KLHL1: variants seen among roughly 807,000 people sequenced by gnomAD.
KLHL1 encodes the protein kelch-like protein 1.
Under a neutral mutation model 77.7 loss-of-function variants are expected in KLHL1, and 47 were observed. That is an observed-to-expected ratio of 0.60 (90% CI 0.48 to 0.77). The LOEUF (loss-of-function observed/expected upper bound fraction) is 0.77. KLHL1 is among the 30% of genes least tolerant of loss of function. The pLI, the probability that KLHL1 is intolerant of heterozygous loss-of-function variation, is 0.00. For missense variants in KLHL1, 925 were observed against 910.8 expected, an observed-to-expected ratio of 1.02 and a Z score of -0.20; for synonymous variants, 360 against 325.2, an observed-to-expected ratio of 1.11 and a Z score of -1.15.
chr13:69,965,447 CT>C (rs1012165481), intron 2 of KLHL1, among the ~76,000 whole-genome samples: 2 of 152,132 alleles, frequency 1.3e-5, no homozygotes, highest in Non-Finnish European at 2.9e-5. Context: ...GTTCTGACTG[CT>C]TCACTAACTG....
chr13:69,833,774 T>TATATAC (rs1566304615), intron 6 of KLHL1, among the ~76,000 whole-genome samples: 9 of 145,472 alleles, frequency 6.2e-5, no homozygotes, highest in African/African-American at 2.5e-4. Flanking sequence ...TATACATACA[T>TATATAC]ACATACATAT....
At chr13:69,982,796 CATT>C (rs563305993) in intron 1 of KLHL1, among the ~76,000 whole-genome samples, 249 of 151,926 alleles carry the variant, frequency 1.6e-3, no homozygotes, top group African/African-American at 5.8e-3. Flanking sequence ...CAAAGAGGGT[CATT>C]ATATGATGAT....
chr13:70,014,496 A>C (rs1397108637), intron 1 of KLHL1, among the ~76,000 whole-genome samples: 2 of 152,146 alleles, frequency 1.3e-5, no homozygotes, highest in African/African-American at 4.8e-5. Flanking sequence ...GAGGGGAAAG[A>C]ATATAGAAAT....
chr13:69,916,795 G>C (rs929601654), intron 4 of KLHL1, among the ~76,000 whole-genome samples: 2 of 151,314 alleles, frequency 1.3e-5, no homozygotes, highest in African/African-American at 4.9e-5. Context: ...CTATATTTAC[G>C]ACAGAATGAT....
intron 5 of KLHL1, among the ~76,000 whole-genome samples, chr13:69,847,111 C>T (rs1422226731): frequency 6.6e-6 from 1 of 151,278 alleles, no homozygotes; most frequent in East Asian, 2.0e-4. Flanking sequence ...TGTATAGATG[C>T]TGCTTGATAT....
At chr13:69,901,472 T>A (rs1881855750) in intron 4 of KLHL1, among the ~76,000 whole-genome samples, 1 of 152,170 alleles carries the variant, frequency 6.6e-6, no homozygotes, top group African/African-American at 2.4e-5. Flanking sequence ...GAAGTGTCTA[T>A]GATATGCTTG....
At chr13:70,044,672 C>G (rs1886453941) in intron 1 of KLHL1, among the ~76,000 whole-genome samples, 1 of 152,216 alleles carries the variant, frequency 6.6e-6, no homozygotes, top group East Asian at 1.9e-4. Flanking sequence ...GTATCCATTT[C>G]TATACATTAA....
At chr13:69,880,977 A>G (rs946658454) in intron 5 of KLHL1, among the ~76,000 whole-genome samples, 1 of 152,112 alleles carries the variant, frequency 6.6e-6, no homozygotes, top group African/African-American at 2.4e-5. Flanking sequence ...CCAAAAGATT[A>G]CCCGCCCAAA....
At chr13:70,085,017 A>C (rs1887498904) in intron 1 of KLHL1, among the ~76,000 whole-genome samples, 1 of 152,200 alleles carries the variant, frequency 6.6e-6, no homozygotes, top group South Asian at 2.1e-4. Flanking sequence ...CATACCATCC[A>C]TTGATGACAT....
intron 5 of KLHL1, among the ~76,000 whole-genome samples, chr13:69,872,444 C>G (rs574062742): frequency 6.6e-6 from 1 of 152,270 alleles, no homozygotes; most frequent in African/African-American, 2.4e-5. Context: ...AGTAAACTTT[C>G]CTCATTACCA....
chr13:69,764,742 G>T (rs577936497), intron 7 of KLHL1, among the ~76,000 whole-genome samples: 5 of 151,810 alleles, frequency 3.3e-5, no homozygotes, highest in African/African-American at 7.2e-5. Context: ...AACACAGATC[G>T]ACTCAATTCT....
chr13:70,048,859 G>T (rs1231285503), intron 1 of KLHL1, among the ~76,000 whole-genome samples: 5 of 152,190 alleles, frequency 3.3e-5, no homozygotes, highest in Non-Finnish European at 5.9e-5. Context: ...GCTGCGGGTT[G>T]GGGACCCCTG....
chr13:69,885,797 G>T (rs372653146), intron 4 of KLHL1, among the ~76,000 whole-genome samples: 32 of 152,194 alleles, frequency 2.1e-4, no homozygotes, highest in Non-Finnish European at 3.8e-4. Context: ...GAATAAAAAA[G>T]CTCGCCATAT....
At chr13:69,805,039 G>A (rs1244330234) in intron 6 of KLHL1, among the ~76,000 whole-genome samples, 1 of 151,790 alleles carries the variant, frequency 6.6e-6, no homozygotes, top group East Asian at 1.9e-4. Context: ...TAAAGTTTTA[G>A]TATAACATTT....
chr13:70,004,970 TAAG>T (rs1885373753), intron 1 of KLHL1, among the ~76,000 whole-genome samples: 1 of 151,644 alleles, frequency 6.6e-6, no homozygotes, highest in Non-Finnish European at 1.5e-5. Context: ...TAATTTTAAT[TAAG>T]AAAGTAAAGC....
At chr13:70,089,015 A>T (rs1247513658) in intron 1 of KLHL1, among the ~76,000 whole-genome samples, 1 of 152,194 alleles carries the variant, frequency 6.6e-6, no homozygotes, top group Non-Finnish European at 1.5e-5. Flanking sequence ...AAAACCCAGC[A>T]GGGCAGTAAT....
intron 7 of KLHL1, among the ~76,000 whole-genome samples, chr13:69,789,217 TCAGA>T (rs1365543934): frequency 1.1e-4 from 16 of 152,132 alleles, no homozygotes; most frequent in Admixed American, 1.0e-3. Context: ...TCAATTTCAC[TCAGA>T]CATTGAATTT....
chr13:69,999,395 G>A (rs1885232242), intron 1 of KLHL1, among the ~76,000 whole-genome samples: 1 of 151,940 alleles, frequency 6.6e-6, no homozygotes, highest in African/African-American at 2.4e-5. Flanking sequence ...CTTTATGCAT[G>A]GGCCTGGCAT....
At chr13:69,900,031 C>T (rs1881800465) in intron 4 of KLHL1, among the ~76,000 whole-genome samples, 1 of 152,036 alleles carries the variant, frequency 6.6e-6, no homozygotes, top group African/African-American at 2.4e-5. Flanking sequence ...TATGGCACAC[C>T]TCTTTAGGAG....
Sources: allele counts gnomAD v4.1 joint callset (sites outside exome capture counted in the v4.1 genomes callset), GRCh38; gene constraint gnomAD v4.1.1; transcripts MANE v1.5; gene names NCBI Gene and HGNC (gene_info 2026-07-23, HGNC 2026-07-21).